PAK1: variants seen among roughly 807,000 people sequenced by gnomAD.
The protein encoded by PAK1 is p21 (RAC1) activated kinase 1, also known as serine/threonine-protein kinase PAK 1.
A neutral mutation model predicts 67.4 loss-of-function variants in PAK1; 29 were observed. The observed-to-expected ratio is 0.43, with a 90% CI of 0.32 to 0.59. The LOEUF is 0.59. Among genes scored for constraint, PAK1 ranks in the 20% least tolerant of loss-of-function variants. The pLI is 0.07. For synonymous variants in PAK1, 223 were observed against 237.4 expected, an observed-to-expected ratio of 0.94 and a Z score of 0.56; for missense variants, 337 against 670.7, an observed-to-expected ratio of 0.50 and a Z score of 5.50.
intron 1 of PAK1, among the ~76,000 whole-genome samples, chr11:77,446,245 C>G (rs537935908): frequency 1.3e-5 from 2 of 152,290 alleles, no homozygotes; most frequent in Non-Finnish European, 1.5e-5. Context: ...GGCACGGTGG[C>G]TCACACCTGT....
intron 1 of PAK1, among the ~76,000 whole-genome samples, chr11:77,445,100 T>C (rs1430201373): frequency 1.3e-5 from 2 of 152,138 alleles, no homozygotes; most frequent in African/African-American, 4.8e-5. Flanking sequence ...TCCAATATAA[T>C]TGGTGTCCTT....
intron 1 of PAK1, among the ~76,000 whole-genome samples, chr11:77,459,165 A>T (rs1476233759): frequency 6.6e-6 from 1 of 152,212 alleles, no homozygotes; most frequent in African/African-American, 2.4e-5. Flanking sequence ...GTGAGGTCAA[A>T]TTATTAAGTT....
chr11:77,417,264 T>C (rs922461441), intron 1 of PAK1, among the ~76,000 whole-genome samples: 7 of 152,168 alleles, frequency 4.6e-5, no homozygotes, highest in African/African-American at 1.4e-4. Flanking sequence ...ATGAATAAAC[T>C]GTGGTATGTC....
intron 1 of PAK1, among the ~76,000 whole-genome samples, chr11:77,462,996 G>A (rs1188080669): frequency 4.2e-5 from 6 of 144,240 alleles, no homozygotes; most frequent in Non-Finnish European, 7.6e-5. Flanking sequence ...GGGTGGGGGT[G>A]GGGTGGGGGG....
At chr11:77,399,641 C>T (rs574983144) in intron 1 of PAK1, among the ~76,000 whole-genome samples, 17 of 151,864 alleles carry the variant, frequency 1.1e-4, no homozygotes, top group African/African-American at 3.1e-4. Context: ...TGGCGGATCA[C>T]GAGGTCAGGA....
At chr11:77,477,254 A>T (rs1279604134), upstream of PAK1, among the ~76,000 whole-genome samples, 1 of 152,226 alleles carries the variant, frequency 6.6e-6, no homozygotes, top group East Asian at 1.9e-4. Context: ...AACTTTAGGC[A>T]AAACAATGTA....
At chr11:77,470,424 A>C (rs1957797702) in intron 1 of PAK1, among the ~76,000 whole-genome samples, 1 of 152,150 alleles carries the variant, frequency 6.6e-6, no homozygotes, top group African/African-American at 2.4e-5. Context: ...AGCTCCTTAA[A>C]GACTTGGGCT....
In PAK1 at chr11:77,323,116, T is replaced by C. The variant is rs548374688; in HGVS notation, c.*158A>G. 1.2e-5 allele frequency: 17 copies of C among 1,388,208 alleles called. No homozygotes were observed. The African/African-American group carries it at 2.1e-4, about 17-fold the overall frequency. The allele number at this position is 1,388,208 out of a possible 1,614,324, so 86.0% of individuals were successfully genotyped here. On this transcript the variant is annotated 3_prime_UTR_variant, in exon 15 of 15. Transcript: ENST00000356341. ...ATTCAGTTGCAGTTCTCTTCAATGC[T>C]GGACACACGGTTTCCAAGGATCAAA...
chr11:77,501,846 T>A, the PAK1 span, among the ~76,000 whole-genome samples: 1 of 152,204 alleles, frequency 6.6e-6, no homozygotes, highest in Non-Finnish European at 1.5e-5. Flanking sequence ...TTTTCTTTGG[T>A]CTAGCTAGAT....
intron 1 of PAK1, among the ~76,000 whole-genome samples, chr11:77,412,923 G>A (rs1376715286): frequency 1.3e-5 from 2 of 152,190 alleles, no homozygotes; most frequent in Non-Finnish European, 2.9e-5. Context: ...AACCTGAGCT[G>A]AACAACACAT....
intron 1 of PAK1, among the ~76,000 whole-genome samples, chr11:77,405,150 A>C (rs1953296467): frequency 6.6e-6 from 1 of 152,248 alleles, no homozygotes. Context: ...TTAGATGAGA[A>C]TACACTGGGC....
chr11:77,393,607 A>T (rs1440335999), intron 1 of PAK1, among the ~76,000 whole-genome samples: 1 of 152,148 alleles, frequency 6.6e-6, no homozygotes, highest in Non-Finnish European at 1.5e-5. Flanking sequence ...TTCTTCTTCT[A>T]AATATAAAAT....
At chr11:77,393,000 C>T (rs369094121) in intron 1 of PAK1, among the ~76,000 whole-genome samples, 1 of 152,166 alleles carries the variant, frequency 6.6e-6, no homozygotes, top group East Asian at 1.9e-4. Context: ...ACAAGTTACA[C>T]TTTCCCTCTT....
the PAK1 span, among the ~76,000 whole-genome samples, chr11:77,526,199 T>G: frequency 6.6e-6 from 1 of 152,214 alleles, no homozygotes; most frequent in African/African-American, 2.4e-5. Context: ...ATCTAACGCA[T>G]TTATTCTTTG....
chr11:77,473,060 T>C (rs547976932), intron 1 of PAK1, among the ~76,000 whole-genome samples: 2 of 152,228 alleles, frequency 1.3e-5, no homozygotes, highest in Non-Finnish European at 2.9e-5. Flanking sequence ...AGTCAAGTCC[T>C]ACCAGCCCTT....
the PAK1 span, among the ~76,000 whole-genome samples, chr11:77,482,527 T>C: frequency 6.6e-6 from 1 of 152,148 alleles, no homozygotes; most frequent in African/African-American, 2.4e-5. Context: ...TGATCATTCC[T>C]CTTGAATTCC....
intron 1 of PAK1, among the ~76,000 whole-genome samples, chr11:77,394,046 A>G (rs902512475): frequency 1.3e-5 from 2 of 152,188 alleles, no homozygotes; most frequent in African/African-American, 4.8e-5. Flanking sequence ...CATGTTATCA[A>G]TAGTTTTAAT....
intron 1 of PAK1, among the ~76,000 whole-genome samples, chr11:77,457,752 C>T (rs867256185): frequency 6.6e-6 from 1 of 152,196 alleles, no homozygotes; most frequent in Middle Eastern, 3.2e-3. Context: ...ATAACAGCTA[C>T]TGAGGCAGAG....
intron 1 of PAK1, among the ~76,000 whole-genome samples, chr11:77,435,083 C>G (rs1956053194): frequency 7.4e-6 from 1 of 134,660 alleles, no homozygotes; most frequent in Non-Finnish European, 1.5e-5. Flanking sequence ...TATTCTAAAA[C>G]TAGATTGTAG....
Sources: allele counts gnomAD v4.1 joint callset (sites outside exome capture counted in the v4.1 genomes callset), GRCh38; gene constraint gnomAD v4.1.1; transcripts MANE v1.5; gene names NCBI Gene and HGNC (gene_info 2026-07-23, HGNC 2026-07-21).